DDX19B: variants seen among roughly 807,000 people sequenced by gnomAD.
The protein encoded by DDX19B is ATP-dependent RNA helicase DDX19B.
DDX19B carries 27 observed loss-of-function variants against 58.1 expected under a neutral mutation model. The observed-to-expected ratio is 0.46, with a 90% CI of 0.34 to 0.64. DDX19B has a LOEUF of 0.64. Among genes scored for constraint, DDX19B ranks in the 30% least tolerant of loss-of-function variants. DDX19B has a pLI of 0.01. For missense variants in DDX19B, 399 were observed against 596.5 expected (o/e 0.67, Z 3.45); for synonymous variants, 187 against 214.4 (o/e 0.87, Z 1.12).
intron 1 of DDX19B, among the ~76,000 whole-genome samples, chr16:70,306,133 GTTGTTGTTGTTGTTGT>G (rs1025438396): frequency 6.6e-6 from 1 of 151,424 alleles, no homozygotes; most frequent in Non-Finnish European, 1.5e-5. Flanking sequence ...CAGTTTTGTT[GTTGTTGTTGTTGTTGT>G]TTGTTGTTGT....
intron 1 of DDX19B, among the ~76,000 whole-genome samples, chr16:70,307,629 C>T (rs1357792123): frequency 6.6e-6 from 1 of 151,910 alleles, no homozygotes; most frequent in African/African-American, 2.4e-5. Flanking sequence ...TCCCAAAGTA[C>T]TAGGATTACA....
At chr16:70,324,844 G>A (rs1054003529) in intron 6 of DDX19B, among the ~76,000 whole-genome samples, 157 bp downstream of exon 6, 4 of 152,170 alleles carry the variant, frequency 2.6e-5, no homozygotes, top group African/African-American at 9.7e-5. Context: ...CTGAGGTCAG[G>A]AGTTCTAGAC....
chr16:70,326,005 G>A (rs890613554), intron 7 of DDX19B, among the ~76,000 whole-genome samples: 3 of 152,106 alleles, frequency 2.0e-5, no homozygotes, highest in Admixed American at 6.6e-5. Context: ...CTCCCCAGCT[G>A]TTCCCAAAGT....
upstream of DDX19B, among the ~76,000 whole-genome samples, chr16:70,290,179 G>A (rs770790066): frequency 6.6e-6 from 1 of 152,084 alleles, no homozygotes; most frequent in Non-Finnish European, 1.5e-5. Context: ...AAGGTGGGAA[G>A]ATCACCTGAA....
upstream of DDX19B, among the ~76,000 whole-genome samples, chr16:70,297,988 G>C (rs922720506): frequency 6.6e-6 from 1 of 152,174 alleles, no homozygotes; most frequent in African/African-American, 2.4e-5. Flanking sequence ...CAAAATGCTA[G>C]GATTACACAT....
At chr16:70,312,691 T>A (rs758393530) in intron 2 of DDX19B, 34 bp downstream of exon 2, 1 of 1,575,966 alleles carries the variant, frequency 6.3e-7, no homozygotes, top group Non-Finnish European at 8.7e-7. Flanking sequence ...AAAACAAATG[T>A]GATTTCCTTC....
intron 5 of DDX19B, among the ~76,000 whole-genome samples, chr16:70,323,669 C>T (rs1032034404): frequency 2.4e-4 from 36 of 152,110 alleles, no homozygotes; most frequent in Admixed American, 1.8e-3. Context: ...AATGATCCAC[C>T]CACCTCGGCC....
At position 70,317,606 on chromosome 16, in the gene DDX19B, A is replaced by G; in HGVS notation, c.389+18A>G. On this transcript the variant is annotated intron_variant, in intron 5 of 11. Coordinates refer to ENST00000288071, the MANE Select transcript of DDX19B (RefSeq NM_007242.7). ...GCTGAGCCGTATGTGTCCTATTACA[A>G]CTCCATTTCATTTTAGATTTTCTAT... 2 of 1,585,940 alleles carry G rather than the reference A, an allele frequency of 1.3e-6. No individual in the cohort carries two copies. Among genetic ancestry groups the G allele is most frequent in the Non-Finnish European group, 1.7e-6 (2 of 1,161,602 alleles).
At chr16:70,316,237 T>C in intron 4 of DDX19B, 133 bp downstream of exon 4, 3 of 1,302,548 alleles carry the variant, frequency 2.3e-6, no homozygotes, top group Non-Finnish European at 3.1e-6. Context: ...CGAGACAGAG[T>C]CTCACTCTGT....
intron 2 of DDX19B, among the ~76,000 whole-genome samples, chr16:70,314,162 CATTT>C (rs1962240675): frequency 6.6e-6 from 1 of 151,906 alleles, no homozygotes; most frequent in South Asian, 2.1e-4. Flanking sequence ...TCTTACTGCT[CATTT>C]GTTATATACA....
chr16:70,323,735 T>G (rs1420259960), intron 5 of DDX19B, among the ~76,000 whole-genome samples: 1 of 152,178 alleles, frequency 6.6e-6, no homozygotes, highest in Non-Finnish European at 1.5e-5. Flanking sequence ...TGCCTGCTTC[T>G]TGAGCTGCTT....
At chr16:70,315,063 G>T in intron 3 of DDX19B, 108 bp downstream of exon 3, 1 of 1,175,584 alleles carries the variant, frequency 8.5e-7, no homozygotes. Context: ...TTTAATAGGC[G>T]ATACAGTGCT....
intron 5 of DDX19B, 112 bp from the exon 6 acceptor site, chr16:70,324,473 C>G (rs1445636914): frequency 1.2e-6 from 1 of 823,924 alleles, no homozygotes; most frequent in Admixed American, 2.7e-5. Context: ...ATATGTAACT[C>G]TGCTACATAA....
intron 1 of DDX19B, among the ~76,000 whole-genome samples, chr16:70,312,286 A>T (rs1962134000): frequency 6.6e-6 from 1 of 152,176 alleles, no homozygotes; most frequent in Admixed American, 6.6e-5. Context: ...AATATGAGAG[A>T]ATGACAACTC....
upstream of DDX19B, among the ~76,000 whole-genome samples, chr16:70,292,356 A>G (rs1045996808): frequency 1.3e-5 from 2 of 152,042 alleles, no homozygotes; most frequent in African/African-American, 4.8e-5. Flanking sequence ...CATGTTGGCC[A>G]GGCTGGTCTT....
intron 5 of DDX19B, among the ~76,000 whole-genome samples, chr16:70,321,359 C>T (rs574460089): frequency 2.6e-5 from 4 of 152,162 alleles, no homozygotes; most frequent in South Asian, 4.2e-4. Flanking sequence ...CGCTCAAGCA[C>T]GCTTCCCACC....
chr16:70,303,648 T>A (rs1485905803), intron 1 of DDX19B, among the ~76,000 whole-genome samples: 2 of 151,876 alleles, frequency 1.3e-5, no homozygotes, highest in African/African-American at 4.8e-5. Context: ...GCTCCACCTC[T>A]CAGGCTCACG....
chr16:70,306,170 GA>G (rs1283467452), intron 1 of DDX19B, among the ~76,000 whole-genome samples: 1 of 151,678 alleles, frequency 6.6e-6, no homozygotes, highest in African/African-American at 2.4e-5. Context: ...TGTTGTTTTT[GA>G]AATAGAGTCT....
At chr16:70,290,383 A>G (rs1238625255), upstream of DDX19B, among the ~76,000 whole-genome samples, 1 of 151,868 alleles carries the variant, frequency 6.6e-6, no homozygotes, top group Non-Finnish European at 1.5e-5. Context: ...TAAAAACACA[A>G]AATTAGCCGG....
Sources: allele counts gnomAD v4.1 joint callset (sites outside exome capture counted in the v4.1 genomes callset), GRCh38; gene constraint gnomAD v4.1.1; transcripts MANE v1.5; gene names NCBI Gene and HGNC (gene_info 2026-07-23, HGNC 2026-07-21).